Variants in CCDC178 observed in about 807,000 individuals in gnomAD.
CCDC178 encodes coiled-coil domain-containing protein 178.
A neutral mutation model predicts 117.4 loss-of-function variants in CCDC178; 126 were observed. The ratio of observed to expected loss-of-function variants is 1.07; its 90% confidence interval spans 0.93 to 1.24. The LOEUF (loss-of-function observed/expected upper bound fraction) is 1.24, where lower values mean the gene tolerates loss of function less well. Among genes scored for constraint, CCDC178 ranks in the 50% most tolerant of loss-of-function variants. The probability of loss-of-function intolerance (pLI) is 0.00; values close to 1 mark genes in which losing one functional copy is unlikely to be tolerated. For missense variants in CCDC178, 1,030 were observed against 986.9 expected (o/e 1.04, Z -0.59); for synonymous variants, 283 against 313.4 (o/e 0.90, Z 1.02).
chr18:32,937,956 C>G lies in CCDC178; in HGVS notation c.*55G>C, dbSNP rs755614116. ...ATGTCCAATTACACTGTTATCTGAA[C>G]TGTGTGACTTTTCTTGTCTTTTATT... On this transcript the variant is annotated 3_prime_UTR_variant, in exon 23 of 23. Coordinates refer to ENST00000383096, the MANE Select transcript of CCDC178 (RefSeq NM_001105528.4). 195 of 1,355,354 alleles carry G rather than the reference C, an allele frequency of 1.4e-4. No homozygotes were observed. Among genetic ancestry groups the G allele is most frequent in the Non-Finnish European group, 2.0e-4 (193 of 945,872 alleles). The allele number at this position is 1,355,354 out of a possible 1,614,324, so 84.0% of individuals were successfully genotyped here.
intron 14 of CCDC178, among the ~76,000 whole-genome samples, chr18:33,258,631 A>G (rs1309187906): frequency 6.6e-6 from 1 of 152,202 alleles, no homozygotes; most frequent in African/African-American, 2.4e-5. Context: ...AAATTTAAAC[A>G]TTGTCGTGAG....
chr18:33,157,160 C>A lies in CCDC178; in HGVS notation c.2238+54736G>T, dbSNP rs376998850. 1.2e-3 allele frequency among the ~76,000 whole-genome samples: 182 copies of A among 152,198 alleles called. 1 individual carries two copies. The South Asian group carries it at 0.018, about 15-fold the overall frequency. ...ATAAATAAAAATGTTTCAAAGAGTA[C>A]CAGAATACAGTAGTATTTCTTTCCT... On this transcript the variant is annotated intron_variant, in intron 20 of 22. Transcript: ENST00000383096.
intron 2 of CCDC178, among the ~76,000 whole-genome samples, chr18:33,424,868 G>A (rs535938839): frequency 1.3e-5 from 2 of 152,266 alleles, no homozygotes; most frequent in African/African-American, 2.4e-5. Context: ...CTACAGCCCC[G>A]AGTGTTCTTT....
chr18:32,994,189 C>G (rs2055454471), intron 21 of CCDC178, among the ~76,000 whole-genome samples: 1 of 149,936 alleles, frequency 6.7e-6, no homozygotes, highest in African/African-American at 2.5e-5. Context: ...AATCTCTTTT[C>G]TAACTCCTGA....
chr18:33,261,241 G>A (rs763137918), intron 14 of CCDC178, among the ~76,000 whole-genome samples: 26 of 151,996 alleles, frequency 1.7e-4, no homozygotes, highest in Non-Finnish European at 3.5e-4. Flanking sequence ...CCGCCACCAC[G>A]CCCGGCTAAT....
chr18:33,110,319 A>G (rs1346127941), intron 20 of CCDC178, among the ~76,000 whole-genome samples: 1 of 151,572 alleles, frequency 6.6e-6, no homozygotes, highest in East Asian at 1.9e-4. Context: ...ATGTATCTAA[A>G]GTATTTTCTC....
In CCDC178 at chr18:33,138,988, C is replaced by T. The variant is rs187955770; in HGVS notation, c.2239-46078G>A. On this transcript the variant is annotated intron_variant, in intron 20 of 22. Transcript: ENST00000383096. ...CAAATCATATCGTGAATTGTAACTCCCACAATTCCCACGTGTCATAACAGG... is the reference window on the plus strand; with the variant it reads ...CAAATCATATCGTGAATTGTAACTCTCACAATTCCCACGTGTCATAACAGG... Among the ~76,000 whole-genome samples, 3 of 152,238 alleles carry T rather than the reference C, an allele frequency of 2.0e-5. No individual in the cohort carries two copies. In the East Asian group the frequency reaches 5.8e-4, roughly 29 times the overall value.
intron 20 of CCDC178, among the ~76,000 whole-genome samples, chr18:33,197,266 C>A (rs777905939): frequency 1.3e-5 from 2 of 152,130 alleles, no homozygotes; most frequent in Non-Finnish European, 2.9e-5. Flanking sequence ...TAGACTCAAG[C>A]GATCCTCATG....
intron 2 of CCDC178, among the ~76,000 whole-genome samples, chr18:33,432,990 A>C (rs1271369479): frequency 6.6e-6 from 1 of 152,208 alleles, no homozygotes; most frequent in African/African-American, 2.4e-5. Context: ...ATTACAAAGA[A>C]ATTACTCAGT....
intron 5 of CCDC178, 69 bp from the exon 6 acceptor site, chr18:33,370,258 G>A: frequency 8.2e-7 from 1 of 1,218,042 alleles, no homozygotes; most frequent in Non-Finnish European, 1.1e-6. Context: ...TTCAGAATAA[G>A]CAAAAAAATT....
chr18:33,177,307 A>G (rs984896021), intron 20 of CCDC178, among the ~76,000 whole-genome samples: 1 of 152,204 alleles, frequency 6.6e-6, no homozygotes, highest in Non-Finnish European at 1.5e-5. Flanking sequence ...GCACAGGTAT[A>G]CATATGTAAC....
intron 20 of CCDC178, among the ~76,000 whole-genome samples, chr18:33,118,606 G>T (rs1404138718): frequency 6.6e-6 from 1 of 152,088 alleles, no homozygotes; most frequent in African/African-American, 2.4e-5. Context: ...TTGTGAAAAT[G>T]GCCATACTGC....
chr18:33,264,630 A>T (rs180766753), intron 14 of CCDC178, among the ~76,000 whole-genome samples: 1 of 152,194 alleles, frequency 6.6e-6, no homozygotes, highest in Non-Finnish European at 1.5e-5. Context: ...ATAGAGCTGC[A>T]TTCCCACTGC....
intron 20 of CCDC178, among the ~76,000 whole-genome samples, chr18:33,129,126 GATGAT>G (rs2058041853): frequency 6.6e-6 from 1 of 152,074 alleles, no homozygotes; most frequent in Non-Finnish European, 1.5e-5. Context: ...CTTGGAGGGT[GATGAT>G]ACCATTAGAT....
intron 20 of CCDC178, among the ~76,000 whole-genome samples, chr18:33,120,754 A>G (rs775660382): frequency 2.6e-5 from 4 of 152,148 alleles, no homozygotes; most frequent in Non-Finnish European, 4.4e-5. Flanking sequence ...ACATACAATA[A>G]CCAAATATTT....
chr18:32,979,309 C>T (rs571068733), intron 21 of CCDC178, among the ~76,000 whole-genome samples: 33 of 152,088 alleles, frequency 2.2e-4, no homozygotes, highest in Non-Finnish European at 4.1e-4. Context: ...GCGACCCCTG[C>T]CCCCACGCTG....
chr18:33,410,860 T>G (rs2063840741), intron 3 of CCDC178, among the ~76,000 whole-genome samples: 1 of 152,166 alleles, frequency 6.6e-6, no homozygotes, highest in South Asian at 2.1e-4. Flanking sequence ...AGGTCTTCTG[T>G]GCTTCTGTCC....
At chr18:33,166,675 C>T (rs1180300464) in intron 20 of CCDC178, among the ~76,000 whole-genome samples, 1 of 152,128 alleles carries the variant, frequency 6.6e-6, no homozygotes, top group Non-Finnish European at 1.5e-5. Flanking sequence ...TCAGTAATAC[C>T]TATTTATTTT....
chr18:33,419,607 C>T (rs994835594), intron 2 of CCDC178, among the ~76,000 whole-genome samples: 1 of 152,020 alleles, frequency 6.6e-6, no homozygotes, highest in African/African-American at 2.4e-5. Context: ...ACCAAAGAAA[C>T]CCATTAAAAA....
Sources: allele counts gnomAD v4.1 joint callset (sites outside exome capture counted in the v4.1 genomes callset), GRCh38; gene constraint gnomAD v4.1.1; transcripts MANE v1.5; gene names NCBI Gene and HGNC (gene_info 2026-07-23, HGNC 2026-07-21).